The following IPP variants were observed in gnomAD, a reference collection of about 807,000 sequenced individuals.
IPP encodes the protein intracisternal A particle-promoted polypeptide.
Under a neutral mutation model 64.1 loss-of-function variants are expected in IPP, and 41 were observed. The ratio of observed to expected loss-of-function variants is 0.64; its 90% CI spans 0.50 to 0.83. The LOEUF is 0.83. Ranked by LOEUF, IPP falls within the 40% of genes least tolerant of loss-of-function variation. The probability of loss-of-function intolerance (pLI) is 0.00; values close to 1 mark genes in which losing one functional copy is unlikely to be tolerated. For synonymous variants in IPP, 214 were observed against 235.2 expected (o/e 0.91, Z 0.83); for missense variants, 649 against 703.0 (o/e 0.92, Z 0.87).
chr1:45,728,779 G>A (rs1645867277), intron 4 of IPP, among the ~76,000 whole-genome samples: 1 of 152,018 alleles, frequency 6.6e-6, no homozygotes, highest in African/African-American at 2.4e-5. Flanking sequence ...TACAGGCCAT[G>A]AGCCACCACA....
downstream of IPP, chr1:45,698,707 A>ATTTTTTTTTATT: frequency 2.3e-6 from 2 of 865,982 alleles, no homozygotes; most frequent in South Asian, 5.7e-5. Flanking sequence ...AAAAGGAAGA[A>ATTTTTTTTTATT]TTTTTTTTTC....
intron 2 of IPP, among the ~76,000 whole-genome samples, chr1:45,744,394 T>C (rs1486540393): frequency 6.6e-6 from 1 of 152,138 alleles, no homozygotes; most frequent in Non-Finnish European, 1.5e-5. Context: ...GTTGTTTTAT[T>C]TTATTCAGAG....
chr1:45,694,456 C>A, downstream of IPP: 1 of 1,542,012 alleles, frequency 6.5e-7, no homozygotes, highest in Non-Finnish European at 8.8e-7. Flanking sequence ...GTCTTGTGAT[C>A]ATTGAAAAGA....
At chr1:45,743,073 G>A (rs907354199) in intron 2 of IPP, among the ~76,000 whole-genome samples, 3 of 151,776 alleles carry the variant, frequency 2.0e-5, no homozygotes, top group African/African-American at 7.3e-5. Context: ...AAGTAGCCAG[G>A]ATTACAGATG....
rs1222180811 is a variant in IPP, at chr1:45,700,297, A to C, written c.1531-107T>G. 2.1e-6 allele frequency: 3 copies of C among 1,413,618 alleles called. No individual in the cohort carries two copies. In the African/African-American group the frequency reaches 4.3e-5, roughly 20 times the overall value. 87.6% of individuals were successfully genotyped at this position (1,413,618 alleles called of 1,614,324 possible). On this transcript the variant is annotated intron_variant, in intron 8 of 8. Coordinates refer to ENST00000396478, the MANE Select transcript of IPP (RefSeq NM_005897.3). ...AGTTCTTTTTACATGTTTAAATGTA[A>C]AACTATCTAGTCAGGTAAGCATACA...
At chr1:45,703,885 T>A (rs1280781532) in intron 8 of IPP, among the ~76,000 whole-genome samples, 1 of 152,234 alleles carries the variant, frequency 6.6e-6, no homozygotes, top group Non-Finnish European at 1.5e-5. Context: ...TGGCTGTATA[T>A]GTTGAGTTTG....
intron 5 of IPP, among the ~76,000 whole-genome samples, chr1:45,720,689 AACAGAAACGTACCT>A (rs1645719840): frequency 6.6e-6 from 1 of 152,188 alleles, no homozygotes; most frequent in Non-Finnish European, 1.5e-5. Context: ...AAATTCTAGG[AACAGAAACGTACCT>A]ATATGATTAC....
chr1:45,700,284 A>T (rs1056266709), intron 8 of IPP, 94 bp from the exon 9 acceptor site: 7 of 1,456,590 alleles, frequency 4.8e-6, no homozygotes, highest in Non-Finnish European at 3.6e-6. Context: ...TTCTTTTTAC[A>T]TGTTTAAATG....
intron 5 of IPP, among the ~76,000 whole-genome samples, chr1:45,724,045 T>G (rs1193465611): frequency 6.8e-6 from 1 of 147,510 alleles, no homozygotes; most frequent in Non-Finnish European, 1.5e-5. Flanking sequence ...AAAGCTGGAC[T>G]GTACTGCTGC....
At chr1:45,695,775 T>C (rs1325255592), downstream of IPP, among the ~76,000 whole-genome samples, 1 of 152,148 alleles carries the variant, frequency 6.6e-6, no homozygotes, top group Non-Finnish European at 1.5e-5. Flanking sequence ...GTTGAAGCGA[T>C]TCTCCTGCCT....
intron 8 of IPP, among the ~76,000 whole-genome samples, chr1:45,707,174 A>G (rs1429265537): frequency 6.6e-6 from 1 of 152,248 alleles, no homozygotes; most frequent in Non-Finnish European, 1.5e-5. Flanking sequence ...CTGTAATCCC[A>G]GCACTTTCGG....
At chr1:45,697,568 G>A (rs1645397422), downstream of IPP, among the ~76,000 whole-genome samples, 1 of 152,082 alleles carries the variant, frequency 6.6e-6, no homozygotes, top group Non-Finnish European at 1.5e-5. Flanking sequence ...AAATAATTTG[G>A]ATATGAGTGC....
intron 2 of IPP, among the ~76,000 whole-genome samples, chr1:45,742,774 G>A (rs977664330): frequency 6.6e-6 from 1 of 151,928 alleles, no homozygotes; most frequent in African/African-American, 2.4e-5. Flanking sequence ...CTGGGCTCAA[G>A]CAATCCACCC....
intron 6 of IPP, among the ~76,000 whole-genome samples, chr1:45,718,034 T>A (rs1217820959): frequency 6.6e-6 from 1 of 152,210 alleles, no homozygotes; most frequent in African/African-American, 2.4e-5. Flanking sequence ...CATCAACTTA[T>A]AACTTTCCCT....
In IPP at chr1:45,699,074, A is replaced by G. The variant is rs1038744109; in HGVS notation, c.*892T>C. ...GTGCATACTGCCTGCTGGACTGTAT[A>G]GCCCATTACAACATCTGGTCACTAA... On this transcript the variant is annotated 3_prime_UTR_variant, in exon 9 of 9. Transcript: ENST00000396478. 1.0e-6 allele frequency: 1 copy of G among 985,424 alleles called. No individual in the cohort carries two copies. The highest frequency in any genetic ancestry group is 1.7e-5 in the African/African-American group (1 of 57,344). The allele number at this position is 985,424 out of a possible 1,614,324, so 61.0% of individuals were successfully genotyped here.
chr1:45,720,739 C>T (rs1323674116), intron 5 of IPP, among the ~76,000 whole-genome samples: 1 of 152,140 alleles, frequency 6.6e-6, no homozygotes, highest in Non-Finnish European at 1.5e-5. Flanking sequence ...GTTAGCACTA[C>T]AGAGCAGTAG....
chr1:45,741,623 C>CTTTTTTTTTTT (rs57797396), intron 2 of IPP, among the ~76,000 whole-genome samples: 5 of 96,128 alleles, frequency 5.2e-5, no homozygotes, highest in Admixed American at 1.2e-4. Flanking sequence ...TTCTTATTTT[C>CTTTTTTTTTTT]TTTTTTTTTT....
At chr1:45,747,117 C>T (rs772300492) in intron 1 of IPP, among the ~76,000 whole-genome samples, 2 of 149,904 alleles carry the variant, frequency 1.3e-5, no homozygotes, top group Non-Finnish European at 3.0e-5. Context: ...CGCGCGCACA[C>T]GAGCGCGCGC....
At chr1:45,727,929 T>TAATATTATAATAATATAATG in intron 4 of IPP, 131 bp from the exon 5 acceptor site, 1 of 619,972 alleles carries the variant, frequency 1.6e-6, no homozygotes, top group East Asian at 3.3e-5. Flanking sequence ...TGTAATATTC[T>TAATATTATAATAATATAATG]TAAATTTGCC....
Sources: gnomAD v4.1 joint callset for allele counts (sites outside exome capture counted in the v4.1 genomes callset) on GRCh38, gnomAD v4.1.1 for gene constraint, MANE v1.5 for transcripts, NCBI Gene and HGNC (gene_info 2026-07-23, HGNC 2026-07-21) for gene names.